Variants in CACNA1I observed in about 807,000 individuals in gnomAD.
The protein encoded by CACNA1I is calcium voltage-gated channel subunit alpha1 I, also known as voltage-dependent T-type calcium channel subunit alpha-1I.
CACNA1I carries 74 observed loss-of-function variants against 201.6 expected under a neutral mutation model. The ratio of observed to expected loss-of-function variants is 0.37; its 90% CI spans 0.30 to 0.45. The LOEUF is 0.45. CACNA1I is among the 20% of genes least tolerant of loss of function. The pLI is 1.00. For synonymous variants in CACNA1I, 1,431 were observed against 1,345.2 expected, an observed-to-expected ratio of 1.06 and a Z score of -1.40; for missense variants, 2,346 against 3,138.1, an observed-to-expected ratio of 0.75 and a Z score of 6.03.
chr22:39,608,918 T>C (rs1206663295), intron 3 of CACNA1I, among the ~76,000 whole-genome samples: 1 of 152,176 alleles, frequency 6.6e-6, no homozygotes, highest in East Asian at 1.9e-4. Context: ...TTACAGACTC[T>C]TGGGAAACAA....
At chr22:39,674,974 A>T (rs1601524323) in intron 29 of CACNA1I, among the ~76,000 whole-genome samples, 1 of 152,188 alleles carries the variant, frequency 6.6e-6, no homozygotes, top group African/African-American at 2.4e-5. Context: ...CATGGTCTGG[A>T]TGGAAAGCAA....
intron 1 of CACNA1I, among the ~76,000 whole-genome samples, chr22:39,583,803 T>C (rs997110361): frequency 6.6e-6 from 1 of 152,256 alleles, no homozygotes; most frequent in Non-Finnish European, 1.5e-5. Flanking sequence ...CTTATTCTCC[T>C]CACCTTCTGC....
At chr22:39,670,730 C>T in intron 25 of CACNA1I, 73 bp from the exon 26 acceptor site, 4 of 1,462,986 alleles carry the variant, frequency 2.7e-6, no homozygotes, top group African/African-American at 1.4e-5. Flanking sequence ...CCTTTCTGTC[C>T]TTTGTGCTCT....
chr22:39,681,095 G>A, intron 34 of CACNA1I, 43 bp downstream of exon 34: 4 of 1,572,400 alleles, frequency 2.5e-6, no homozygotes, highest in Non-Finnish European at 3.4e-6. Flanking sequence ...GTCTGTCCTT[G>A]AAACCTGGCC....
chr22:39,584,558 C>T (rs1932679801), intron 1 of CACNA1I, among the ~76,000 whole-genome samples: 1 of 152,022 alleles, frequency 6.6e-6, no homozygotes, highest in Admixed American at 6.6e-5. Context: ...GATGGGAGAC[C>T]AGAGGGCTGG....
chr22:39,662,145 C>G lies in CACNA1I; in HGVS notation c.3082C>G (p.Arg1028Gly), dbSNP rs1935036868. Residue 1028 changes from arginine to glycine, a missense_variant, in exon 17 of 37, where the codon CGG (arginine) becomes GGG (glycine). Coordinates refer to ENST00000402142, the MANE Select transcript of CACNA1I (RefSeq NM_021096.4). The stretch of plus-strand genomic sequence containing the variant: ...GGTTGCCGCGGACGAGGGGCCGCCG[C>G]GGGCCGCACCCCTGCACACCCCACA... ...CEVAADEGPP[R>G]AAPLHTPHAH... The G allele has an allele frequency of 1.3e-6, 2 of 1,525,578 alleles. No individual in the cohort carries two copies. The highest frequency in any genetic ancestry group is 1.8e-6 in the Non-Finnish European group (2 of 1,140,340). 94.5% of individuals were successfully genotyped at this position (1,525,578 alleles called of 1,614,324 possible). A position where few individuals can be genotyped will look rare whatever the true frequency, so the allele number is the denominator to read the frequency against.
At position 39,629,873 on chromosome 22, in the gene CACNA1I, G is replaced by A. The variant is rs541931829; in HGVS notation, c.581-4692G>A. On this transcript the variant is annotated intron_variant, in intron 4 of 36. Coordinates refer to ENST00000402142, the MANE Select transcript of CACNA1I (RefSeq NM_021096.4). The surrounding 1 kb of genome is among the most constrained non-coding windows in gnomAD (Gnocchi z 4.8). ...TCTCTCTCCTCTGCCCTGGCCCCCCGCGATCCATTCTCCACCCAGCAGCCC... is the reference window on the plus strand; with the variant it reads ...TCTCTCTCCTCTGCCCTGGCCCCCCACGATCCATTCTCCACCCAGCAGCCC... Among the ~76,000 whole-genome samples, 94 of 152,064 alleles carry A rather than the reference G, an allele frequency of 6.2e-4. No individual in the cohort carries two copies. The highest frequency in any genetic ancestry group is 1.4e-3 in the African/African-American group (58 of 41,476).
intron 4 of CACNA1I, among the ~76,000 whole-genome samples, chr22:39,625,087 T>C (rs1416500581): frequency 1.3e-5 from 2 of 152,042 alleles, no homozygotes; most frequent in African/African-American, 4.8e-5. Context: ...TTTGTATTTT[T>C]AGTAGAGACG....
intron 10 of CACNA1I, among the ~76,000 whole-genome samples, chr22:39,656,869 A>G (rs1934840459): frequency 6.6e-6 from 1 of 152,142 alleles, no homozygotes; most frequent in African/African-American, 2.4e-5. Flanking sequence ...TCAGGTCTCA[A>G]CGACAGTGCT....
At chr22:39,672,147 T>C in intron 26 of CACNA1I, 52 bp from the exon 27 acceptor site, 1 of 1,147,562 alleles carries the variant, frequency 8.7e-7, no homozygotes, top group Admixed American at 1.7e-5. Flanking sequence ...TGGAGGAAGG[T>C]TGTGGAGCAG....
chr22:39,684,243 A>AG lies in CACNA1I; in HGVS notation c.5831-55dup. 1.3e-6 allele frequency: 2 copies of AG among 1,507,294 alleles called. No individual in the cohort carries two copies. The highest frequency in any genetic ancestry group is 9.1e-7 in the Non-Finnish European group (1 of 1,095,246). 93.4% of individuals were successfully genotyped at this position (1,507,294 alleles called of 1,614,324 possible). On this transcript the variant is annotated intron_variant, in intron 35 of 36. Coordinates refer to ENST00000402142, the MANE Select transcript of CACNA1I (RefSeq NM_021096.4). This position sits in a 1 kb window ranked among gnomAD's most constrained non-coding sequence, Gnocchi z 4.6. ...AGATTGGTGCTCAATGCCACCTTCC[A>AG]GGGGCTGCCCCCTGGCCTGAGCGTG...
At chr22:39,646,471 G>A in intron 7 of CACNA1I, 98 bp from the exon 8 acceptor site, 4 of 1,454,266 alleles carry the variant, frequency 2.8e-6, no homozygotes, top group Non-Finnish European at 3.6e-6. Flanking sequence ...CTCTCCCCAT[G>A]TCTCCCTGCT....
rs866830165 is a variant in CACNA1I at position 39,659,928 on chromosome 22, G to T, written c.2604+76G>T. 3 of 1,555,470 alleles carry T rather than the reference G, an allele frequency of 1.9e-6. No individual in the cohort carries two copies. Among genetic ancestry groups the T allele is most frequent in the East Asian group, 2.3e-5 (1 of 44,318 alleles). On this transcript the variant is annotated intron_variant, in intron 14 of 36. Coordinates refer to ENST00000402142, the MANE Select transcript of CACNA1I (RefSeq NM_021096.4). The surrounding 1 kb of genome is among the most constrained non-coding windows in gnomAD (Gnocchi z 4.3). ...TGGGCGAGGGAGAGGTGGCCTGGAT[G>T]GGGGAGGGCTGCAATTCAAACTTCT...
chr22:39,685,678 C>T lies in CACNA1I; in HGVS notation c.6028-83C>T, dbSNP rs1242864798. On this transcript the variant is annotated intron_variant, in intron 36 of 36. Coordinates refer to ENST00000402142, the MANE Select transcript of CACNA1I (RefSeq NM_021096.4). This position sits in a 1 kb window ranked among gnomAD's most constrained non-coding sequence, Gnocchi z 5.0. ...TCCTTGGATGGGGTCTGCCTGCTGCCTGCTGTGCGGGGGAGGGCGGCGTCC... is the reference window on the plus strand; with the variant it reads ...TCCTTGGATGGGGTCTGCCTGCTGCTTGCTGTGCGGGGGAGGGCGGCGTCC... The T allele has an allele frequency of 2.3e-5, 27 of 1,182,728 alleles. No individual in the cohort carries two copies. Among genetic ancestry groups the T allele is most frequent in the South Asian group, 7.4e-5 (4 of 53,964 alleles). The allele number at this position is 1,182,728 out of a possible 1,614,324, so 73.3% of individuals were successfully genotyped here.
chr22:39,675,649 C>T (rs1569097093), intron 29 of CACNA1I, among the ~76,000 whole-genome samples: 2 of 152,174 alleles, frequency 1.3e-5, no homozygotes, highest in Non-Finnish European at 2.9e-5. Flanking sequence ...ACGTAAAGTG[C>T]TAGGAAAATG....
rs779653472 is a variant in CACNA1I, at chr22:39,661,328, G to T, written c.2901+18G>T. Reference sequence around the variant, plus strand: ...GCTCCCTGGTGAGTCCTTGTGGGGAGCTCTGGACGGGCGCTTCCTGCTGGG... The same window carrying T: ...GCTCCCTGGTGAGTCCTTGTGGGGATCTCTGGACGGGCGCTTCCTGCTGGG... On this transcript the variant is annotated intron_variant, in intron 16 of 36. Coordinates refer to ENST00000402142, the MANE Select transcript of CACNA1I (RefSeq NM_021096.4). 2.6e-6 allele frequency: 4 copies of T among 1,526,656 alleles called. No individual in the cohort carries two copies. Among genetic ancestry groups the T allele is most frequent in the Non-Finnish European group, 3.5e-6 (4 of 1,136,344 alleles). The allele number at this position is 1,526,656 out of a possible 1,614,324, so 94.6% of individuals were successfully genotyped here. A position where few individuals can be genotyped will look rare whatever the true frequency, so the allele number is the denominator to read the frequency against.
rs561322463 is a variant in CACNA1I at position 39,649,320 on chromosome 22, A to G, written c.1568-181A>G. Among the ~76,000 whole-genome samples the G allele has an allele frequency of 6.6e-5, 10 of 152,376 alleles. No individual in the cohort carries two copies. The South Asian group carries it at 1.9e-3, about 28-fold the overall frequency. ...CTGCCCCAACTTCTACAACAGGGGCAGACAAAGCTCAGAGAGCTGCAGCCG... is the reference window on the plus strand; with the variant it reads ...CTGCCCCAACTTCTACAACAGGGGCGGACAAAGCTCAGAGAGCTGCAGCCG... On this transcript the variant is annotated intron_variant, in intron 9 of 36. Coordinates refer to ENST00000402142, the MANE Select transcript of CACNA1I (RefSeq NM_021096.4). The surrounding 1 kb of genome is among the most constrained non-coding windows in gnomAD (Gnocchi z 7.3).
chr22:39,623,680 G>A (rs921656208), intron 4 of CACNA1I, among the ~76,000 whole-genome samples: 3 of 148,580 alleles, frequency 2.0e-5, no homozygotes, highest in Non-Finnish European at 3.0e-5. Flanking sequence ...TGCCTGTGAG[G>A]GGTGTGTGGC....
intron 1 of CACNA1I, among the ~76,000 whole-genome samples, chr22:39,571,353 C>T (rs1467806255): frequency 1.3e-5 from 2 of 152,058 alleles, no homozygotes; most frequent in African/African-American, 2.4e-5. Context: ...GGATGGGAGC[C>T]GTGATCAGGA....
Sources: gnomAD v4.1 joint callset for allele counts (sites outside exome capture counted in the v4.1 genomes callset) on GRCh38, gnomAD v4.1.1 for gene constraint, Gnocchi (gnomAD v3.1) non-coding constraint, MANE v1.5 for transcripts, NCBI Gene and HGNC (gene_info 2026-07-23, HGNC 2026-07-21) for gene names.